Variants in COL24A1 observed in about 807,000 individuals in gnomAD.
COL24A1 encodes collagen alpha-1(XXIV) chain.
COL24A1 carries 224 observed loss-of-function variants against 253.9 expected under a neutral mutation model. That is an observed-to-expected ratio of 0.88 (90% CI 0.79 to 0.99). The LOEUF (loss-of-function observed/expected upper bound fraction) is 0.99. Ranked by LOEUF, COL24A1 falls within the 50% of genes least tolerant of loss-of-function variation. The pLI, the probability that COL24A1 is intolerant of heterozygous loss-of-function variation, is 0.00. For synonymous variants in COL24A1, 685 were observed against 673.7 expected (o/e 1.02, Z -0.26); for missense variants, 2,131 against 2,068.5 (o/e 1.03, Z -0.59).
rs532771507 is a variant in COL24A1, at chr1:85,782,800, CA to C, written c.4284+695del. On this transcript the variant is annotated intron_variant, in intron 51 of 59. Transcript: ENST00000370571. ...GTCATAGAGATGCTACTACCACAGC[CA>C]AACCATTACTTGAAGTTTTAAATTT... 1.7e-3 allele frequency among the ~76,000 whole-genome samples: 254 copies of C among 152,268 alleles called. 2 individuals carry two copies. The highest frequency in any genetic ancestry group is 3.0e-3 in the Non-Finnish European group (202 of 68,024).
intron 14 of COL24A1, chr1:86,030,355 G>A (rs1221470464): frequency 1.3e-5 from 2 of 152,370 alleles, no homozygotes; most frequent in Non-Finnish European, 2.9e-5. Context: ...TGAACAGCAC[G>A]TCTCATGCAC....
At chr1:85,828,232 T>C (rs1026539417) in intron 43 of COL24A1, among the ~76,000 whole-genome samples, 22 of 152,076 alleles carry the variant, frequency 1.4e-4, no homozygotes, top group African/African-American at 5.3e-4. Context: ...TTGAGCAGTT[T>C]TGAGTGAGAT....
chr1:86,101,568 C>A (rs1704457241), intron 5 of COL24A1, among the ~76,000 whole-genome samples: 1 of 152,034 alleles, frequency 6.6e-6, no homozygotes, highest in Non-Finnish European at 1.5e-5. Context: ...TTCTTCAATG[C>A]CAGGTTTATT....
At position 86,135,468 on chromosome 1, in the gene COL24A1, CATT is replaced by C. The variant is rs143441238; in HGVS notation, c.122-9257_122-9255del. Among the ~76,000 whole-genome samples the C allele has an allele frequency of 4.1e-3, 616 of 152,060 alleles. 35 individuals carry two copies. In the East Asian group the frequency reaches 0.11, roughly 26 times the overall value. On this transcript the variant is annotated intron_variant, in intron 2 of 59. Transcript: ENST00000370571. ...AATTCGTATTATGAGTATATTGAAT[CATT>C]GTTGTCTTCTATATGTCTCATATAT...
intron 45 of COL24A1, among the ~76,000 whole-genome samples, chr1:85,820,404 G>A (rs1023289473): frequency 3.3e-5 from 5 of 152,162 alleles, no homozygotes; most frequent in African/African-American, 4.8e-5. Flanking sequence ...GAAGAAGATG[G>A]CCCTGAGAGG....
In COL24A1 at chr1:85,936,725, A is replaced by G. The variant is rs1352785884; in HGVS notation, c.2562+24524T>C. Among the ~76,000 whole-genome samples the G allele has an allele frequency of 2.0e-5, 3 of 147,064 alleles. 1 individual carries two copies. Among genetic ancestry groups the G allele is most frequent in the African/African-American group, 7.5e-5 (3 of 40,050 alleles). ...TGGCAGACCCTACGGTATTAGAGGA[A>G]TCAATGGTGGAAAAATAAGTTATGC... On this transcript the variant is annotated intron_variant, in intron 24 of 59. Transcript: ENST00000370571.
At chr1:85,961,473 C>T (rs1691057285) in intron 23 of COL24A1, among the ~76,000 whole-genome samples, 180 bp from the exon 24 acceptor site, 1 of 152,036 alleles carries the variant, frequency 6.6e-6, no homozygotes, top group Non-Finnish European at 1.5e-5. Flanking sequence ...ACATGTTTAC[C>T]TATATAACAA....
intron 7 of COL24A1, 42 bp downstream of exon 7, chr1:86,089,132 A>AG (rs755895609): frequency 6.6e-7 from 1 of 1,522,138 alleles, no homozygotes; most frequent in Non-Finnish European, 8.9e-7. Flanking sequence ...AAAAAAAAGA[A>AG]AAAAAGAAGA....
intron 31 of COL24A1, among the ~76,000 whole-genome samples, chr1:85,891,871 T>C (rs1571107865): frequency 1.3e-5 from 2 of 152,342 alleles, no homozygotes; most frequent in South Asian, 2.1e-4. Context: ...ACTCTGTTTT[T>C]ATTGGGGATA....
At chr1:85,933,809 G>A (rs893746009) in intron 24 of COL24A1, among the ~76,000 whole-genome samples, 1 of 152,062 alleles carries the variant, frequency 6.6e-6, no homozygotes, top group African/African-American at 2.4e-5. Flanking sequence ...TAGAGACATG[G>A]GTGAATTCTG....
chr1:85,896,639 A>G (rs1049379407), intron 28 of COL24A1, among the ~76,000 whole-genome samples: 3 of 152,018 alleles, frequency 2.0e-5, no homozygotes, highest in African/African-American at 7.2e-5. Flanking sequence ...CTGGGACTAC[A>G]GGCGCTCGCC....
chr1:86,022,368 A>G, intron 17 of COL24A1, 75 bp from the exon 18 acceptor site: 1 of 1,463,082 alleles, frequency 6.8e-7, no homozygotes, highest in Non-Finnish European at 9.5e-7. Flanking sequence ...ACAAACTGCT[A>G]AAAAATTTCA....
chr1:86,152,891 C>A (rs1572096268), intron 1 of COL24A1, among the ~76,000 whole-genome samples: 2 of 152,182 alleles, frequency 1.3e-5, no homozygotes, highest in African/African-American at 4.8e-5. Flanking sequence ...ACTTATCTAG[C>A]ATCTTCTACC....
At position 86,035,640 on chromosome 1, in the gene COL24A1, A is replaced by C. The variant is rs115439164; in HGVS notation, c.1951-1717T>G. Among the ~76,000 whole-genome samples the C allele has an allele frequency of 5.0e-3, 768 of 152,246 alleles. 11 individuals carry two copies. Among genetic ancestry groups the C allele is most frequent in the East Asian group, 0.046 (237 of 5,186 alleles). On this transcript the variant is annotated intron_variant, in intron 12 of 59. Coordinates refer to ENST00000370571, the MANE Select transcript of COL24A1 (RefSeq NM_152890.7). ...TTTGGGGGTGATGAAAATGTTATAA[A>C]ATCAGATACTGTGATGGCTGCACAA...
At chr1:85,881,462 C>CAA (rs35434904) in intron 32 of COL24A1, among the ~76,000 whole-genome samples, 4,073 of 142,114 alleles carry the variant, frequency 0.029, 168 homozygotes, top group African/African-American at 0.098. Context: ...ACTAAAAATA[C>CAA]AAAAAAAAAA....
intron 28 of COL24A1, among the ~76,000 whole-genome samples, chr1:85,903,524 C>T (rs1273964090): frequency 2.6e-5 from 4 of 152,064 alleles, no homozygotes; most frequent in African/African-American, 4.8e-5. Flanking sequence ...ATTAAAATAA[C>T]CGTTTAAAAA....
At chr1:85,891,873 T>C (rs564735990) in intron 31 of COL24A1, among the ~76,000 whole-genome samples, 13 of 152,314 alleles carry the variant, frequency 8.5e-5, no homozygotes, top group Non-Finnish European at 1.5e-4. Flanking sequence ...TCTGTTTTTA[T>C]TGGGGATAAA....
intron 47 of COL24A1, among the ~76,000 whole-genome samples, chr1:85,789,051 T>C (rs895480100): frequency 6.6e-6 from 1 of 152,216 alleles, no homozygotes; most frequent in Non-Finnish European, 1.5e-5. Flanking sequence ...CGGGCTCTTT[T>C]TTTGCTTCAT....
intron 39 of COL24A1, among the ~76,000 whole-genome samples, chr1:85,845,582 A>C (rs1024112832): frequency 1.3e-5 from 2 of 151,886 alleles, no homozygotes; most frequent in Admixed American, 6.6e-5. Flanking sequence ...AATTCAGAGA[A>C]GCAAATAAGG....
Sources: gnomAD v4.1 joint callset for allele counts (sites outside exome capture counted in the v4.1 genomes callset) on GRCh38, gnomAD v4.1.1 for gene constraint, MANE v1.5 for transcripts, NCBI Gene and HGNC (gene_info 2026-07-23, HGNC 2026-07-21) for gene names.